NTRK2: variants seen among roughly 807,000 people sequenced by gnomAD.
NTRK2 encodes the protein neurotrophic receptor tyrosine kinase 2.
Under a neutral mutation model 94.5 loss-of-function variants are expected in NTRK2, and 13 were observed. The observed-to-expected ratio is 0.14, with a 90% CI of 0.09 to 0.22. The LOEUF is 0.22. Among genes scored for constraint, NTRK2 ranks in the 10% least tolerant of loss-of-function variants. The probability of loss-of-function intolerance (pLI) is 1.00; values close to 1 mark genes in which losing one functional copy is unlikely to be tolerated. For synonymous variants in NTRK2, 372 were observed against 407.4 expected (o/e 0.91, Z 1.05); for missense variants, 639 against 1,071.2 (o/e 0.60, Z 5.63).
intron 2 of NTRK2, among the ~76,000 whole-genome samples, chr9:84,689,411 T>C (rs759906912): frequency 2.0e-5 from 3 of 152,242 alleles, no homozygotes; most frequent in Non-Finnish European, 4.4e-5. Flanking sequence ...GGTCATTGTC[T>C]TTGTTCTGTG....
intron 12 of NTRK2, among the ~76,000 whole-genome samples, chr9:84,816,778 C>CAAAAAAAAAAAAA (rs61094948): frequency 7.3e-5 from 6 of 82,630 alleles, no homozygotes; most frequent in Non-Finnish European, 1.4e-4. Context: ...GACTCCATCT[C>CAAAAAAAAAAAAA]AAAAAAAAAA....
intron 16 of NTRK2, 54 bp from the exon 17 acceptor site, chr9:84,955,229 C>T: frequency 6.9e-7 from 1 of 1,454,628 alleles, no homozygotes; most frequent in Non-Finnish European, 9.4e-7. Flanking sequence ...GGCAAAGGGC[C>T]CCTGGAGTGA....
At position 85,025,422 on chromosome 9, in the gene NTRK2, A is replaced by G. The variant is rs1832985303; in HGVS notation, c.*3985A>G. The G allele has an allele frequency of 4.3e-6, 1 of 233,234 alleles. No individual in the cohort carries two copies. The highest frequency in any genetic ancestry group is 8.5e-6 in the Non-Finnish European group (1 of 118,004). 14.4% of individuals were successfully genotyped at this position (233,234 alleles called of 1,614,324 possible). A position where few individuals can be genotyped will look rare whatever the true frequency, so the allele number is the denominator to read the frequency against. ...TGGCAGCCCAGTGGCTTGAAGGCCA[A>G]TGATGAGCAGTCCAAGACCCCACAG... On this transcript the variant is annotated 3_prime_UTR_variant, in exon 19 of 19. Transcript: ENST00000277120.
chr9:84,830,951 A>G (rs76568714), intron 12 of NTRK2, among the ~76,000 whole-genome samples: 207 of 152,298 alleles, frequency 1.4e-3, no homozygotes, highest in African/African-American at 4.4e-3. Flanking sequence ...TTGTATATAA[A>G]TATTTTTATT....
chr9:84,905,607 G>A (rs1238887969), intron 14 of NTRK2, among the ~76,000 whole-genome samples: 3 of 152,112 alleles, frequency 2.0e-5, no homozygotes, highest in African/African-American at 4.8e-5. Context: ...AATTTTAGGT[G>A]TATACTGGCT....
intron 17 of NTRK2, among the ~76,000 whole-genome samples, chr9:84,987,974 C>T (rs745995178): frequency 6.6e-6 from 1 of 152,174 alleles, no homozygotes; most frequent in Non-Finnish European, 1.5e-5. Context: ...GTATTTATTA[C>T]CCATCAATCA....
intron 17 of NTRK2, among the ~76,000 whole-genome samples, chr9:84,983,413 G>C (rs1417059818): frequency 6.6e-6 from 1 of 152,178 alleles, no homozygotes; most frequent in African/African-American, 2.4e-5. Flanking sequence ...TCCTCTTTGG[G>C]AATTCAGGCC....
Position 85,023,651 on chromosome 9 carries a change from A to G in NTRK2, c.*2214A>G, listed in dbSNP as rs1832894587. The G allele has an allele frequency of 4.3e-6, 1 of 230,768 alleles. No homozygotes were observed. The highest frequency in any genetic ancestry group is 8.6e-6 in the Non-Finnish European group (1 of 116,648). 14.3% of individuals were successfully genotyped at this position (230,768 alleles called of 1,614,324 possible). A position where few individuals can be genotyped will look rare whatever the true frequency, so the allele number is the denominator to read the frequency against. ...TGAAAGCCATATCTCCATGATATAT[A>G]TGTGCACATATATATACATACATGT... On this transcript the variant is annotated 3_prime_UTR_variant, in exon 19 of 19. Coordinates refer to ENST00000277120, the MANE Select transcript of NTRK2 (RefSeq NM_006180.6).
At position 84,889,638 on chromosome 9, in the gene NTRK2, C is replaced by T. The variant is rs1246372377; in HGVS notation, c.1633+22207C>T. ...CTGTTGGCCAGGCTGGTCTAAAACT[C>T]CTGGCCTCAAATGGTCAGCCAAACT... On this transcript the variant is annotated intron_variant, in intron 14 of 18. Transcript: ENST00000277120. Among the ~76,000 whole-genome samples, 7 of 152,278 alleles carry T rather than the reference C, an allele frequency of 4.6e-5. No individual in the cohort carries two copies. The South Asian group carries it at 1.2e-3, about 27-fold the overall frequency.
chr9:84,733,482 C>G (rs7867851), intron 9 of NTRK2, among the ~76,000 whole-genome samples: 3 of 152,180 alleles, frequency 2.0e-5, no homozygotes, highest in African/African-American at 7.2e-5. Context: ...TGGGCTACCC[C>G]TTGCAGCGAG....
intron 2 of NTRK2, among the ~76,000 whole-genome samples, chr9:84,689,632 A>G (rs1239096588): frequency 1.3e-5 from 2 of 152,182 alleles, no homozygotes; most frequent in Admixed American, 1.3e-4. Flanking sequence ...AACACACATG[A>G]CATAAAGTTT....
chr9:84,790,894 T>C (rs1361896809), intron 12 of NTRK2, among the ~76,000 whole-genome samples: 2 of 152,218 alleles, frequency 1.3e-5, no homozygotes, highest in Admixed American at 6.5e-5. Context: ...TTAAAGAACA[T>C]TATTCAATGT....
chr9:84,864,417 G>A (rs2075478923), intron 13 of NTRK2, among the ~76,000 whole-genome samples: 1 of 152,148 alleles, frequency 6.6e-6, no homozygotes, highest in Non-Finnish European at 1.5e-5. Flanking sequence ...CTGCTTGGGT[G>A]ATGAATGCAC....
Position 85,026,769 on chromosome 9 carries a change from A to G in NTRK2, c.*5332A>G, listed in dbSNP as rs1292131473. ...ATTTCCCCTTCAATCGTGACCTGGT[A>G]TTTGGAACTCTCCTTTTCATTTGGC... On this transcript the variant is annotated 3_prime_UTR_variant, in exon 19 of 19. Coordinates refer to ENST00000277120, the MANE Select transcript of NTRK2 (RefSeq NM_006180.6). 2 of 232,854 alleles carry G rather than the reference A, an allele frequency of 8.6e-6. No individual in the cohort carries two copies. The highest frequency in any genetic ancestry group is 1.7e-5 in the Non-Finnish European group (2 of 117,948). 14.4% of individuals were successfully genotyped at this position (232,854 alleles called of 1,614,324 possible). A position where few individuals can be genotyped will look rare whatever the true frequency, so the allele number is the denominator to read the frequency against.
At chr9:84,678,778 C>T (rs773371642) in intron 2 of NTRK2, among the ~76,000 whole-genome samples, 1 of 152,192 alleles carries the variant, frequency 6.6e-6, no homozygotes, top group Non-Finnish European at 1.5e-5. Flanking sequence ...AACCAGAACA[C>T]TCTTTTTAGT....
intron 12 of NTRK2, among the ~76,000 whole-genome samples, chr9:84,841,945 A>G (rs1257010190): frequency 6.6e-6 from 1 of 152,240 alleles, no homozygotes; most frequent in Non-Finnish European, 1.5e-5. Flanking sequence ...GATGAGACGC[A>G]TCCCAAGAAA....
chr9:84,963,269 G>T (rs752160872), intron 17 of NTRK2, among the ~76,000 whole-genome samples: 1 of 152,184 alleles, frequency 6.6e-6, no homozygotes, highest in African/African-American at 2.4e-5. Flanking sequence ...GAGCTCACTC[G>T]CCAGAGATCA....
chr9:84,698,556 C>A (rs905214154), intron 2 of NTRK2, among the ~76,000 whole-genome samples: 1 of 152,068 alleles, frequency 6.6e-6, no homozygotes, highest in African/African-American at 2.4e-5. Context: ...TGGATGAATA[C>A]CTGGAATAGA....
At chr9:84,894,996 C>A (rs961412266) in intron 14 of NTRK2, among the ~76,000 whole-genome samples, 1 of 152,038 alleles carries the variant, frequency 6.6e-6, no homozygotes, top group East Asian at 1.9e-4. Context: ...AAAAATATAA[C>A]CCTTAGATAA....
Sources: allele counts gnomAD v4.1 joint callset (sites outside exome capture counted in the v4.1 genomes callset), GRCh38; gene constraint gnomAD v4.1.1; transcripts MANE v1.5; gene names NCBI Gene and HGNC (gene_info 2026-07-23, HGNC 2026-07-21).